Variants in AKAP6 observed in about 807,000 individuals in gnomAD.
The protein encoded by AKAP6 is A-kinase anchor protein 6.
Under a neutral mutation model 188.5 loss-of-function variants are expected in AKAP6, and 58 were observed. The ratio of observed to expected loss-of-function variants is 0.31; its 90% CI spans 0.25 to 0.38. AKAP6 has a LOEUF of 0.38. Ranked by LOEUF, AKAP6 falls within the 10% of genes least tolerant of loss-of-function variation. The pLI is 1.00. For missense variants in AKAP6, 2,710 were observed against 2,740.0 expected (o/e 0.99, Z 0.24); for synonymous variants, 989 against 998.6 (o/e 0.99, Z 0.18).
intron 2 of AKAP6, among the ~76,000 whole-genome samples, chr14:32,515,771 T>G (rs1162039165): frequency 6.6e-6 from 1 of 152,216 alleles, no homozygotes; most frequent in Non-Finnish European, 1.5e-5. Flanking sequence ...CTTGAAGCTT[T>G]CGTTTCATGG....
chr14:32,531,888 A>G (rs985178756), intron 2 of AKAP6, among the ~76,000 whole-genome samples: 11 of 152,166 alleles, frequency 7.2e-5, no homozygotes, highest in African/African-American at 2.7e-4. Flanking sequence ...TTACACATTG[A>G]AGGACCACTT....
chr14:32,530,299 T>C (rs533969541), intron 2 of AKAP6, among the ~76,000 whole-genome samples: 1 of 152,290 alleles, frequency 6.6e-6, no homozygotes, highest in East Asian at 1.9e-4. Flanking sequence ...AGTGCTGGGA[T>C]TACAGGCATG....
At chr14:32,483,727 G>GCC (rs1450622685) in intron 2 of AKAP6, among the ~76,000 whole-genome samples, 200 of 152,150 alleles carry the variant, frequency 1.3e-3, no homozygotes, top group Non-Finnish European at 2.6e-3. Flanking sequence ...CAGGTGATCT[G>GCC]CATGCCTCAG....
chr14:32,560,767 C>T (rs1594744523), intron 4 of AKAP6, among the ~76,000 whole-genome samples: 1 of 152,190 alleles, frequency 6.6e-6, no homozygotes, highest in African/African-American at 2.4e-5. Flanking sequence ...ATTCTTGGAA[C>T]TTTAGTGAAT....
chr14:32,738,025 C>T (rs1409378375), intron 11 of AKAP6, among the ~76,000 whole-genome samples: 1 of 152,022 alleles, frequency 6.6e-6, no homozygotes, highest in Non-Finnish European at 1.5e-5. Context: ...AGAAAGAGTC[C>T]AAACTCAGCA....
chr14:32,335,315 A>G (rs1278190302), intron 1 of AKAP6, among the ~76,000 whole-genome samples: 1 of 152,168 alleles, frequency 6.6e-6, no homozygotes, highest in East Asian at 1.9e-4. Flanking sequence ...TTTTTTAATA[A>G]GAGGCTCCAC....
At chr14:32,475,286 TATTATA>T (rs1398486899) in intron 2 of AKAP6, among the ~76,000 whole-genome samples, 1 of 152,210 alleles carries the variant, frequency 6.6e-6, no homozygotes, top group Non-Finnish European at 1.5e-5. Flanking sequence ...CCACAGTTGT[TATTATA>T]ATAATAATGC....
chr14:32,414,057 G>GAAACCAGCA (rs1184163000), intron 1 of AKAP6, among the ~76,000 whole-genome samples: 3 of 151,874 alleles, frequency 2.0e-5, no homozygotes, highest in Non-Finnish European at 4.4e-5. Context: ...AATAAAATGA[G>GAAACCAGCA]AAACCAGCAC....
chr14:32,618,122 T>TA (rs57145550), intron 7 of AKAP6, among the ~76,000 whole-genome samples: 1 of 152,062 alleles, frequency 6.6e-6, no homozygotes, highest in African/African-American at 2.4e-5. Context: ...TTTCACAGCC[T>TA]AAAAAAGAAA....
intron 7 of AKAP6, among the ~76,000 whole-genome samples, chr14:32,603,605 T>C (rs1201674540): frequency 6.6e-6 from 1 of 152,160 alleles, no homozygotes; most frequent in Non-Finnish European, 1.5e-5. Flanking sequence ...AGAACCTCTA[T>C]AATAGGCACC....
chr14:32,826,876 T>C (rs567873610), intron 13 of AKAP6, among the ~76,000 whole-genome samples: 1 of 152,114 alleles, frequency 6.6e-6, no homozygotes, highest in Non-Finnish European at 1.5e-5. Flanking sequence ...CCTGGCCTTA[T>C]CTCGGGCAAA....
intron 4 of AKAP6, among the ~76,000 whole-genome samples, chr14:32,558,817 G>A (rs548426914): frequency 2.6e-5 from 4 of 152,236 alleles, no homozygotes; most frequent in African/African-American, 9.6e-5. Flanking sequence ...AGGGGAAAAT[G>A]GAGGGCAGCC....
At chr14:32,523,252 C>A (rs1382656003) in intron 2 of AKAP6, among the ~76,000 whole-genome samples, 3 of 152,066 alleles carry the variant, frequency 2.0e-5, no homozygotes, top group Non-Finnish European at 2.9e-5. Flanking sequence ...GGGTGCAGCA[C>A]ACCAACATGG....
chr14:32,505,729 TAAG>T (rs1490532879), intron 2 of AKAP6, among the ~76,000 whole-genome samples: 1 of 152,200 alleles, frequency 6.6e-6, no homozygotes, highest in African/African-American at 2.4e-5. Context: ...TCTACTTAGT[TAAG>T]AAGTCATACG....
intron 5 of AKAP6, among the ~76,000 whole-genome samples, chr14:32,592,712 G>A (rs984757885): frequency 2.6e-5 from 4 of 152,124 alleles, no homozygotes; most frequent in Non-Finnish European, 4.4e-5. Context: ...GTATAATAAA[G>A]CCACTTGCAT....
intron 11 of AKAP6, among the ~76,000 whole-genome samples, chr14:32,767,054 G>A (rs2032741516): frequency 6.6e-6 from 1 of 151,980 alleles, no homozygotes; most frequent in Admixed American, 6.6e-5. Flanking sequence ...ACCATTTGTT[G>A]AAAAAACTAT....
intron 8 of AKAP6, among the ~76,000 whole-genome samples, chr14:32,694,343 A>G (rs1344763597): frequency 6.7e-6 from 1 of 149,566 alleles, no homozygotes; most frequent in Non-Finnish European, 1.5e-5. Flanking sequence ...CCTGGATAAC[A>G]GAGTGAGACT....
At chr14:32,565,285 A>G (rs1196877530) in intron 4 of AKAP6, among the ~76,000 whole-genome samples, 2 of 152,234 alleles carry the variant, frequency 1.3e-5, no homozygotes, top group East Asian at 3.8e-4. Flanking sequence ...TCTTCCTGCA[A>G]AACTATTTTT....
chr14:32,561,315 G>A (rs905388388), intron 4 of AKAP6, among the ~76,000 whole-genome samples: 1 of 152,096 alleles, frequency 6.6e-6, no homozygotes, highest in African/African-American at 2.4e-5. Flanking sequence ...AATAACTAGG[G>A]TAAGAACCTT....
Sources: gnomAD v4.1 joint callset for allele counts (sites outside exome capture counted in the v4.1 genomes callset) on GRCh38, gnomAD v4.1.1 for gene constraint, MANE v1.5 for transcripts, NCBI Gene and HGNC (gene_info 2026-07-23, HGNC 2026-07-21) for gene names.